Variants in KIAA1671 observed in about 807,000 individuals in gnomAD.
KIAA1671 encodes the protein uncharacterized protein KIAA1671.
A neutral mutation model predicts 131.2 loss-of-function variants in KIAA1671; 52 were observed. The observed-to-expected ratio is 0.40, with a 90% CI of 0.32 to 0.50. The LOEUF is 0.50. KIAA1671 is among the 20% of genes least tolerant of loss of function. KIAA1671 has a pLI of 0.73. For synonymous variants in KIAA1671, 1,003 were observed against 961.6 expected, an observed-to-expected ratio of 1.04 and a Z score of -0.80; for missense variants, 2,360 against 2,364.2, an observed-to-expected ratio of 1.00 and a Z score of 0.04.
intron 1 of KIAA1671, among the ~76,000 whole-genome samples, chr22:24,991,370 A>G (rs1003533556): frequency 2.2e-4 from 34 of 152,040 alleles, no homozygotes; most frequent in Admixed American, 3.9e-4. Flanking sequence ...CTCCCAGTCC[A>G]GCAGGGCAGA....
At position 25,040,087 on chromosome 22, in the gene KIAA1671, C is replaced by T. The variant is rs987557002; in HGVS notation, c.2957C>T (p.Ala986Val). 606 of 1,551,712 alleles carry T rather than the reference C, an allele frequency of 3.9e-4. No individual in the cohort carries two copies. The highest frequency in any genetic ancestry group is 7.8e-4 in the Admixed American group (40 of 51,010). ...RTDYVSPTASALRKPQLSHYR... is the reference protein window; with the variant it reads ...RTDYVSPTASVLRKPQLSHYR... ...GATTATGTGAGCCCCACAGCCAGTG[C>T]CTTAAGAAAACCTCAACTATCCCAC... The change falls in exon 5 of 13, where the codon GCC becomes GTC. Residue 986 changes from alanine to valine, a missense_variant. Ala to Val is a moderately conservative substitution (Grantham distance 64). Transcript: ENST00000358431.
intron 6 of KIAA1671, among the ~76,000 whole-genome samples, chr22:25,132,321 C>T (rs898924818): frequency 2.6e-5 from 4 of 152,142 alleles, no homozygotes; most frequent in African/African-American, 7.2e-5. Flanking sequence ...AGATGCAGTC[C>T]AGGCGGTTGG....
intron 6 of KIAA1671, among the ~76,000 whole-genome samples, chr22:25,076,853 G>A (rs754883619): frequency 1.8e-4 from 27 of 152,168 alleles, no homozygotes; most frequent in Non-Finnish European, 3.5e-4. Flanking sequence ...CCTTTCAGAG[G>A]GGTCTCATTA....
intron 6 of KIAA1671, among the ~76,000 whole-genome samples, chr22:25,129,366 G>A (rs1380218856): frequency 1.3e-5 from 2 of 152,028 alleles, no homozygotes; most frequent in Non-Finnish European, 1.5e-5. Context: ...AATTAGCTGG[G>A]CATGGTGTCA....
chr22:25,139,294 G>A (rs1303642221), intron 6 of KIAA1671, among the ~76,000 whole-genome samples: 5 of 152,354 alleles, frequency 3.3e-5, no homozygotes, highest in African/African-American at 1.2e-4. Flanking sequence ...GGCTTGGCAG[G>A]CTGCCTTATC....
At chr22:25,172,218 C>G (rs1007185499) in intron 7 of KIAA1671, among the ~76,000 whole-genome samples, 9 of 152,174 alleles carry the variant, frequency 5.9e-5, no homozygotes, top group African/African-American at 2.2e-4. Context: ...CCGTTCCTCT[C>G]TCGGGGTCTC....
intron 1 of KIAA1671, among the ~76,000 whole-genome samples, chr22:24,988,307 C>T (rs1023918227): frequency 2.0e-5 from 3 of 151,356 alleles, no homozygotes; most frequent in African/African-American, 7.3e-5. Context: ...AGACTCCTGC[C>T]TGGATCTCAG....
chr22:25,032,727 T>G, intron 4 of KIAA1671, 31 bp downstream of exon 4: 6 of 1,421,534 alleles, frequency 4.2e-6, no homozygotes, highest in Non-Finnish European at 5.8e-6. Flanking sequence ...ACGTCTCTCA[T>G]TAACCAGCGG....
chr22:24,999,598 T>C (rs1490774509), intron 1 of KIAA1671, among the ~76,000 whole-genome samples: 1 of 151,166 alleles, frequency 6.6e-6, no homozygotes, highest in African/African-American at 2.4e-5. Context: ...AGTCTCACTC[T>C]GTTGCCTAGG....
intron 6 of KIAA1671, among the ~76,000 whole-genome samples, chr22:25,153,386 G>C (rs1325413931): frequency 2.6e-5 from 4 of 152,208 alleles, no homozygotes; most frequent in Non-Finnish European, 5.9e-5. Context: ...TGACATTGGT[G>C]GCTGGAGTCC....
At position 25,174,285 on chromosome 22, in the gene KIAA1671, A is replaced by G. The variant is rs1464402256; in HGVS notation, c.4695A>G (p.Lys1565=). ...ATAGCAGTGCCACATCGACAAGGAA[A>G]CAGCCCCCCAGCAGCCGTTTGTCTT... is the stretch of plus-strand genomic sequence containing the variant. ...SPDSSATSTR[K]QPPSSRLSSL... The change falls in exon 8 of 13, where the codon AAA becomes AAG. Residue 1565 remains lysine (K), a synonymous_variant. Transcript: ENST00000358431. 27 of 1,551,594 alleles carry G rather than the reference A, an allele frequency of 1.7e-5. No homozygotes were observed. The highest frequency in any genetic ancestry group is 2.0e-5 in the Admixed American group (1 of 50,978).
At chr22:25,071,078 T>C (rs1928792986) in intron 6 of KIAA1671, among the ~76,000 whole-genome samples, 1 of 152,222 alleles carries the variant, frequency 6.6e-6, no homozygotes, top group Non-Finnish European at 1.5e-5. Context: ...ACTTCTCCTC[T>C]CTGGGTTTCT....
intron 6 of KIAA1671, chr22:25,055,478 T>C (rs926503165): frequency 2.0e-5 from 3 of 149,908 alleles, no homozygotes; most frequent in African/African-American, 7.3e-5. Flanking sequence ...ATCCAGTGAC[T>C]CAGGAAGCCA....
chr22:25,010,103 G>C (rs1468066980), intron 1 of KIAA1671: 1 of 152,152 alleles, frequency 6.6e-6, no homozygotes, highest in African/African-American at 2.4e-5. Flanking sequence ...TAAACATTTA[G>C]GCAGTTCCCC....
At chr22:25,047,400 C>T (rs1927303434) in intron 5 of KIAA1671, among the ~76,000 whole-genome samples, 1 of 151,746 alleles carries the variant, frequency 6.6e-6, no homozygotes, top group African/African-American at 2.4e-5. Flanking sequence ...ATCAACCTGC[C>T]TTGGCCTCCC....
chr22:25,111,503 C>T (rs1049715273), intron 6 of KIAA1671, among the ~76,000 whole-genome samples: 2 of 152,244 alleles, frequency 1.3e-5, no homozygotes, highest in African/African-American at 4.8e-5. Context: ...TCATCCCGGG[C>T]TGCTCAGCCA....
intron 1 of KIAA1671, among the ~76,000 whole-genome samples, chr22:25,017,913 T>C (rs1925419863): frequency 6.6e-6 from 1 of 151,160 alleles, no homozygotes; most frequent in African/African-American, 2.4e-5. Context: ...TTCTCCACAG[T>C]CCTGCTTTCC....
chr22:25,134,288 C>A (rs1032661382), intron 6 of KIAA1671, among the ~76,000 whole-genome samples: 8 of 152,044 alleles, frequency 5.3e-5, no homozygotes, highest in Non-Finnish European at 1.2e-4. Context: ...TTGTGTTTAC[C>A]ATGGGTTTGG....
rs1440643443 is a variant in KIAA1671 at position 25,029,637 on chromosome 22, C to A, written c.1541+97C>A. On this transcript the variant is annotated intron_variant, in intron 3 of 12. Transcript: ENST00000358431. ...CCATGCTGGGCACTTGTCACCCCCC[C>A]TCAGTTTACCCATAGCCCAAGAGGA... 4 of 862,026 alleles carry A rather than the reference C, an allele frequency of 4.6e-6. No homozygotes were observed. In the East Asian group the frequency reaches 1.1e-4, roughly 24 times the overall value. The allele number at this position is 862,026 out of a possible 1,614,324, so 53.4% of individuals were successfully genotyped here. A position where few individuals can be genotyped will look rare whatever the true frequency, so the allele number is the denominator to read the frequency against.
Sources: allele counts gnomAD v4.1 joint callset (sites outside exome capture counted in the v4.1 genomes callset), GRCh38; gene constraint gnomAD v4.1.1; transcripts MANE v1.5; gene names NCBI Gene and HGNC (gene_info 2026-07-23, HGNC 2026-07-21).